NCKAP5: variants seen among roughly 807,000 people sequenced by gnomAD.
NCKAP5 encodes nck-associated protein 5.
A neutral mutation model predicts 167.0 loss-of-function variants in NCKAP5; 92 were observed. The observed-to-expected ratio is 0.55, with a 90% CI of 0.47 to 0.66. The LOEUF is 0.66. Among genes scored for constraint, NCKAP5 ranks in the 30% least tolerant of loss-of-function variants. The pLI is 0.00. For synonymous variants in NCKAP5, 891 were observed against 877.4 expected (o/e 1.02, Z -0.27); for missense variants, 2,378 against 2,315.0 (o/e 1.03, Z -0.56).
chr2:133,448,315 C>T (rs972371517), intron 3 of NCKAP5, among the ~76,000 whole-genome samples: 3 of 151,394 alleles, frequency 2.0e-5, no homozygotes, highest in African/African-American at 7.3e-5. Context: ...AACTCTTTTC[C>T]ACAAATCAAA....
intron 3 of NCKAP5, among the ~76,000 whole-genome samples, chr2:133,415,968 G>A (rs929637406): frequency 4.6e-5 from 7 of 152,136 alleles, no homozygotes; most frequent in Non-Finnish European, 1.0e-4. Context: ...CAACTTGTTT[G>A]GATTTTGGTG....
intron 4 of NCKAP5, among the ~76,000 whole-genome samples, chr2:133,219,003 A>G (rs889490902): frequency 2.0e-5 from 3 of 152,250 alleles, no homozygotes; most frequent in East Asian, 1.9e-4. Context: ...TTGGCATTCA[A>G]TAAAGAAGGA....
intron 8 of NCKAP5, among the ~76,000 whole-genome samples, chr2:132,894,424 G>A (rs1316094782): frequency 6.6e-6 from 1 of 152,196 alleles, no homozygotes. Context: ...AAAACCTATT[G>A]CCTTGCCATG....
intron 1 of NCKAP5, among the ~76,000 whole-genome samples, chr2:133,565,221 G>A (rs971271254): frequency 3.9e-5 from 6 of 152,146 alleles, no homozygotes; most frequent in Non-Finnish European, 8.8e-5. Flanking sequence ...AATTCCCATC[G>A]AAATCATCTG....
chr2:133,481,319 A>G (rs1327721563), intron 3 of NCKAP5, among the ~76,000 whole-genome samples: 2 of 152,162 alleles, frequency 1.3e-5, no homozygotes, highest in Non-Finnish European at 2.9e-5. Context: ...GAAGGCTAAG[A>G]TTATATATGA....
At chr2:132,729,729 T>C (rs1690802734) in intron 17 of NCKAP5, among the ~76,000 whole-genome samples, 2 of 152,174 alleles carry the variant, frequency 1.3e-5, no homozygotes, top group African/African-American at 2.4e-5. Context: ...GCATAGTGTA[T>C]GCCTTTGTCA....
At chr2:132,977,219 T>C (rs1250734929) in intron 7 of NCKAP5, among the ~76,000 whole-genome samples, 2 of 152,232 alleles carry the variant, frequency 1.3e-5, no homozygotes, top group Non-Finnish European at 2.9e-5. Flanking sequence ...GTGAATATGC[T>C]GATGCTTTAC....
intron 5 of NCKAP5, among the ~76,000 whole-genome samples, chr2:133,150,275 T>C (rs1387413739): frequency 2.0e-5 from 3 of 152,180 alleles, no homozygotes; most frequent in Non-Finnish European, 4.4e-5. Context: ...AGTGTATCCA[T>C]ACTATAGCGG....
chr2:133,156,909 C>A (rs999444868), intron 5 of NCKAP5, among the ~76,000 whole-genome samples: 2 of 152,116 alleles, frequency 1.3e-5, no homozygotes, highest in African/African-American at 2.4e-5. Flanking sequence ...AGCACGCCAA[C>A]CTAATCTTAC....
intron 4 of NCKAP5, among the ~76,000 whole-genome samples, chr2:133,250,263 G>T (rs563329720): frequency 4.6e-5 from 7 of 152,228 alleles, no homozygotes; most frequent in African/African-American, 1.7e-4. Context: ...GGGTGAGGCA[G>T]CCAGGGAACA....
intron 7 of NCKAP5, among the ~76,000 whole-genome samples, chr2:132,980,354 A>T (rs1559015492): frequency 6.6e-6 from 1 of 152,094 alleles, no homozygotes; most frequent in Non-Finnish European, 1.5e-5. Context: ...AAAAATCCTC[A>T]TGCCCAGGCC....
At chr2:133,310,574 G>C (rs1681161575) in intron 3 of NCKAP5, among the ~76,000 whole-genome samples, 1 of 152,168 alleles carries the variant, frequency 6.6e-6, no homozygotes, top group African/African-American at 2.4e-5. Context: ...CCATCACTCT[G>C]AGGTCCAGCA....
intron 3 of NCKAP5, among the ~76,000 whole-genome samples, chr2:133,503,398 G>A (rs899493962): frequency 1.3e-5 from 2 of 152,108 alleles, no homozygotes; most frequent in African/African-American, 4.8e-5. Context: ...CCTTATATAA[G>A]CCCAGAAGAA....
Position 133,499,326 on chromosome 2 carries a change from G to A in NCKAP5, c.69+18132C>T, listed in dbSNP as rs570982372. ...TGCAAAGCTTACTTGCACGTTAAACGTCTATCACAGAAAAGGGAAATACCC... is the reference window on the plus strand; with the variant it reads ...TGCAAAGCTTACTTGCACGTTAAACATCTATCACAGAAAAGGGAAATACCC... On this transcript the variant is annotated intron_variant, in intron 3 of 19. Transcript: ENST00000409261. Among the ~76,000 whole-genome samples, 6 of 152,202 alleles carry A rather than the reference G, an allele frequency of 3.9e-5. No homozygotes were observed. In the South Asian group the frequency reaches 8.3e-4, roughly 21 times the overall value.
At chr2:133,565,522 A>G (rs1688483423) in intron 1 of NCKAP5, among the ~76,000 whole-genome samples, 1 of 152,262 alleles carries the variant, frequency 6.6e-6, no homozygotes, top group Non-Finnish European at 1.5e-5. Context: ...AAGTGGCAGA[A>G]GCAGGACTTG....
intron 11 of NCKAP5, among the ~76,000 whole-genome samples, chr2:132,812,603 C>A (rs562105941): frequency 6.6e-6 from 1 of 152,104 alleles, no homozygotes; most frequent in African/African-American, 2.4e-5. Flanking sequence ...TGGGAACTCT[C>A]GGCAGAGGGG....
chr2:133,408,441 T>A (rs1364392540), intron 3 of NCKAP5, among the ~76,000 whole-genome samples: 1 of 151,966 alleles, frequency 6.6e-6, no homozygotes, highest in Non-Finnish European at 1.5e-5. Flanking sequence ...GACTATAAAA[T>A]CCTCAAGGCC....
intron 5 of NCKAP5, among the ~76,000 whole-genome samples, chr2:133,200,082 A>G (rs114508822): frequency 0.028 from 1,085 of 38,334 alleles, 15 homozygotes; most frequent in African/African-American, 0.098. Context: ...TTTTTTTTGC[A>G]GAAATGAACA....
At chr2:133,448,874 C>T (rs1057179821) in intron 3 of NCKAP5, among the ~76,000 whole-genome samples, 5 of 152,102 alleles carry the variant, frequency 3.3e-5, no homozygotes, top group Non-Finnish European at 5.9e-5. Flanking sequence ...TCCTGGGCTC[C>T]AGCGAGCCAC....
Sources: gnomAD v4.1 joint callset for allele counts (sites outside exome capture counted in the v4.1 genomes callset) on GRCh38, gnomAD v4.1.1 for gene constraint, MANE v1.5 for transcripts, NCBI Gene and HGNC (gene_info 2026-07-23, HGNC 2026-07-21) for gene names.